The following TDRD3 variants were observed in gnomAD, a reference collection of about 807,000 sequenced individuals.
TDRD3 encodes tudor domain-containing protein 3.
In TDRD3, 45 loss-of-function variants were observed where a neutral mutation model predicts 86.7. That is an observed-to-expected ratio of 0.52 (90% CI 0.41 to 0.67). The LOEUF is 0.67. Ranked by LOEUF, TDRD3 falls within the 30% of genes least tolerant of loss-of-function variation. The probability of loss-of-function intolerance (pLI) is 0.00; values close to 1 mark genes in which losing one functional copy is unlikely to be tolerated. For missense variants in TDRD3, 814 were observed against 889.0 expected, an observed-to-expected ratio of 0.92 and a Z score of 1.07; for synonymous variants, 298 against 301.7, an observed-to-expected ratio of 0.99 and a Z score of 0.13.
intron 7 of TDRD3, among the ~76,000 whole-genome samples, chr13:60,493,207 C>A (rs891147252): frequency 1.3e-5 from 2 of 151,854 alleles, no homozygotes; most frequent in Non-Finnish European, 2.9e-5. Context: ...CGTGAGCCAC[C>A]GCGCCCGGCC....
intron 1 of TDRD3, among the ~76,000 whole-genome samples, chr13:60,418,227 C>T (rs1954573253): frequency 6.6e-6 from 1 of 152,004 alleles, no homozygotes. Flanking sequence ...TATGTCCTGC[C>T]ACTGTACCAT....
intron 13 of TDRD3, among the ~76,000 whole-genome samples, chr13:60,570,094 T>C (rs1474836183): frequency 6.6e-6 from 1 of 151,916 alleles, no homozygotes. Flanking sequence ...AGATCCTACA[T>C]AGCAAAGGAA....
rs1361806370 is a variant in TDRD3 at position 60,543,441 on chromosome 13, C to A, written c.2118+8208C>A. Among the ~76,000 whole-genome samples, 7 of 152,084 alleles carry A rather than the reference C, an allele frequency of 4.6e-5. 1 individual carries two copies. Among genetic ancestry groups the A allele is most frequent in the Admixed American group, 4.6e-4 (7 of 15,264 alleles). ...TAACAAGTTAATATGTATTTTAAAT[C>A]TCCAAGAGAGATATATAATGTATGT... On this transcript the variant is annotated intron_variant, in intron 12 of 13. Transcript: ENST00000377881.
intron 8 of TDRD3, among the ~76,000 whole-genome samples, chr13:60,502,566 A>G (rs1956856389): frequency 6.6e-6 from 1 of 152,144 alleles, no homozygotes; most frequent in Admixed American, 6.5e-5. Context: ...ACTCTGTTCC[A>G]CAAGGAACCT....
At chr13:60,402,249 A>G (rs1473060891) in intron 1 of TDRD3, among the ~76,000 whole-genome samples, 2 of 152,116 alleles carry the variant, frequency 1.3e-5, no homozygotes, top group African/African-American at 4.8e-5. Context: ...TTAGAGACAC[A>G]CCTTTTTTCC....
intron 13 of TDRD3, among the ~76,000 whole-genome samples, chr13:60,570,854 A>C (rs1246477606): frequency 1.3e-5 from 2 of 152,292 alleles, no homozygotes; most frequent in East Asian, 3.9e-4. Context: ...TTCCATGGGA[A>C]ATTTCCTTTG....
At chr13:60,446,502 C>T (rs1260864696) in intron 3 of TDRD3, among the ~76,000 whole-genome samples, 1 of 152,104 alleles carries the variant, frequency 6.6e-6, no homozygotes, top group Non-Finnish European at 1.5e-5. Flanking sequence ...ATTGGGATTA[C>T]AGGTGTGAGC....
intron 3 of TDRD3, 43 bp downstream of exon 3, chr13:60,444,791 C>A (rs748984426): frequency 8.9e-7 from 1 of 1,124,904 alleles, no homozygotes; most frequent in South Asian, 1.7e-5. Flanking sequence ...AATTTAGTTA[C>A]AATAAATATG....
intron 5 of TDRD3, among the ~76,000 whole-genome samples, chr13:60,483,557 A>G (rs9528146): frequency 0.14 from 20,877 of 152,110 alleles, 1,502 homozygotes; most frequent in East Asian, 0.2. Context: ...TTATGTGAAT[A>G]TGTGTTTTGG....
chr13:60,529,144 C>G lies in TDRD3; in HGVS notation c.1919C>G (p.Ser640Cys). The G allele has an allele frequency of 6.2e-7, 1 of 1,613,872 alleles. No individual in the cohort carries two copies. Among genetic ancestry groups the G allele is most frequent in the Non-Finnish European group, 8.5e-7 (1 of 1,179,876 alleles). The change falls in exon 11 of 14, where the codon TCT becomes TGT. Residue 640 changes from serine (S) to cysteine (C), a missense_variant. Ser to Cys is a moderately radical substitution (Grantham distance 112, BLOSUM62 -1). Coordinates refer to ENST00000377881, the MANE Select transcript of TDRD3 (RefSeq NM_001146070.2). ...PIKPEKILES[S>C]IPMEYAKMWK... ...AAGCCAGAAAAAATACTAGAATCAT[C>G]TATTCCTATGGAGTATGCAAAAATG...
chr13:60,560,911 C>A (rs1046509580), intron 12 of TDRD3, among the ~76,000 whole-genome samples: 5 of 152,138 alleles, frequency 3.3e-5, no homozygotes, highest in Admixed American at 3.3e-4. Context: ...GGTTTTGGAT[C>A]TGATTTTTCT....
chr13:60,529,317 T>G, intron 11 of TDRD3, 100 bp downstream of exon 11: 1 of 1,293,972 alleles, frequency 7.7e-7, no homozygotes, highest in Non-Finnish European at 1.0e-6. Context: ...AGTCTTTTTC[T>G]ACTATTGTAC....
intron 5 of TDRD3, among the ~76,000 whole-genome samples, chr13:60,475,616 T>C (rs1413788555): frequency 6.6e-6 from 1 of 152,210 alleles, no homozygotes; most frequent in Non-Finnish European, 1.5e-5. Context: ...TTGAGGAATC[T>C]CCGAACTGTT....
intron 1 of TDRD3, among the ~76,000 whole-genome samples, chr13:60,433,732 T>C (rs1313563781): frequency 6.6e-6 from 1 of 152,220 alleles, no homozygotes; most frequent in African/African-American, 2.4e-5. Context: ...AAAAATCAAA[T>C]CTGACGCAGT....
chr13:60,453,334 A>C (rs1260790936), intron 3 of TDRD3, among the ~76,000 whole-genome samples: 1 of 150,796 alleles, frequency 6.6e-6, no homozygotes. Flanking sequence ...AACGAGTAAC[A>C]TGTAGTTTTT....
At chr13:60,493,956 T>C (rs1956659343) in intron 7 of TDRD3, among the ~76,000 whole-genome samples, 1 of 152,220 alleles carries the variant, frequency 6.6e-6, no homozygotes, top group African/African-American at 2.4e-5. Flanking sequence ...ATGAAAATAA[T>C]AAATTAGTAA....
At chr13:60,533,018 T>G (rs1957619890) in intron 11 of TDRD3, among the ~76,000 whole-genome samples, 1 of 152,204 alleles carries the variant, frequency 6.6e-6, no homozygotes, top group Admixed American at 6.5e-5. Flanking sequence ...ATTCAGTGTT[T>G]GTTTAATTTA....
intron 7 of TDRD3, among the ~76,000 whole-genome samples, chr13:60,487,627 G>C (rs922273538): frequency 1.3e-5 from 2 of 152,172 alleles, no homozygotes; most frequent in African/African-American, 4.8e-5. Context: ...ATCCCTCACG[G>C]ATACCAAAGG....
At position 60,510,676 on chromosome 13, in the gene TDRD3, C is replaced by T. The variant is rs1375102095; in HGVS notation, c.1062C>T (p.Asp354=). The change falls in exon 10 of 14, where the codon GAC becomes GAT. Residue 354 remains aspartate, a synonymous_variant. Coordinates refer to ENST00000377881, the MANE Select transcript of TDRD3 (RefSeq NM_001146070.2). ...GAATAAGATCTGAAGATGAAGAGGA[C>T]CTGGGAAATGCAAGGCCATCAGCAC... ...RGRIRSEDEE[D]LGNARPSAPS... 6 of 1,605,158 alleles carry T rather than the reference C, an allele frequency of 3.7e-6. No individual in the cohort carries two copies. The highest frequency in any genetic ancestry group is 5.1e-6 in the Non-Finnish European group (6 of 1,175,924).
Sources: allele counts gnomAD v4.1 joint callset (sites outside exome capture counted in the v4.1 genomes callset), GRCh38; gene constraint gnomAD v4.1.1; transcripts MANE v1.5; gene names NCBI Gene and HGNC (gene_info 2026-07-23, HGNC 2026-07-21).